SNX29: variants seen among roughly 807,000 people sequenced by gnomAD.
SNX29 encodes the protein sorting nexin-29.
SNX29 carries 78 observed loss-of-function variants against 102.1 expected under a neutral mutation model. The observed-to-expected ratio is 0.76, with a 90% CI of 0.64 to 0.92. The LOEUF (loss-of-function observed/expected upper bound fraction) is 0.92, where lower values mean the gene tolerates loss of function less well. Among genes scored for constraint, SNX29 ranks in the 40% least tolerant of loss-of-function variants. The pLI is 0.00. For missense variants in SNX29, 1,280 were observed against 1,061.7 expected (o/e 1.21, Z -2.86); for synonymous variants, 580 against 414.5 (o/e 1.40, Z -4.85).
At chr16:12,190,899 T>A (rs1386385535) in intron 13 of SNX29, among the ~76,000 whole-genome samples, 2 of 152,294 alleles carry the variant, frequency 1.3e-5, no homozygotes, top group Non-Finnish European at 2.9e-5. Flanking sequence ...TTGCTTTCCC[T>A]CTTGCCCTGA....
At chr16:12,455,780 G>A (rs1474586627) in intron 18 of SNX29, among the ~76,000 whole-genome samples, 2 of 152,196 alleles carry the variant, frequency 1.3e-5, no homozygotes, top group Admixed American at 1.3e-4. Flanking sequence ...ATGCTTATAA[G>A]CAAGGATAGA....
At chr16:12,116,958 G>A (rs907807554) in intron 11 of SNX29, among the ~76,000 whole-genome samples, 1 of 151,766 alleles carries the variant, frequency 6.6e-6, no homozygotes, top group South Asian at 2.1e-4. Context: ...AACAGGAGTG[G>A]TCAATACGTG....
chr16:12,082,141 C>G (rs1330640745), intron 11 of SNX29, among the ~76,000 whole-genome samples: 2 of 151,612 alleles, frequency 1.3e-5, no homozygotes, highest in East Asian at 1.9e-4. Flanking sequence ...TGTAGATGGA[C>G]AAGACTTGAC....
At chr16:12,377,176 A>G (rs1490097769) in intron 16 of SNX29, among the ~76,000 whole-genome samples, 1 of 152,222 alleles carries the variant, frequency 6.6e-6, no homozygotes, top group Admixed American at 6.5e-5. Flanking sequence ...TACGTCTCTG[A>G]GCCTCAGTTT....
intron 18 of SNX29, among the ~76,000 whole-genome samples, chr16:12,414,868 C>T (rs552022006): frequency 6.6e-6 from 1 of 152,180 alleles, no homozygotes; most frequent in Admixed American, 6.5e-5. Flanking sequence ...ATTACGTGTG[C>T]CCACCAGCAT....
At chr16:12,179,418 G>A (rs1286940816) in intron 13 of SNX29, among the ~76,000 whole-genome samples, 1 of 152,242 alleles carries the variant, frequency 6.6e-6, no homozygotes, top group Non-Finnish European at 1.5e-5. Flanking sequence ...CCAGGAGTTG[G>A]AGGCTGAATG....
At chr16:12,499,433 T>C (rs1038041120) in intron 19 of SNX29, among the ~76,000 whole-genome samples, 2 of 152,198 alleles carry the variant, frequency 1.3e-5, no homozygotes, top group South Asian at 4.1e-4. Context: ...TTCCAGATTC[T>C]CAAGGCAAGT....
chr16:12,139,164 T>G (rs1489355032), intron 13 of SNX29, among the ~76,000 whole-genome samples: 2 of 125,506 alleles, frequency 1.6e-5, no homozygotes, highest in Admixed American at 1.0e-4. Flanking sequence ...GCCACTGTAC[T>G]CCAGAGCCTG....
chr16:12,467,940 C>G (rs2087136621), intron 18 of SNX29, among the ~76,000 whole-genome samples: 1 of 152,134 alleles, frequency 6.6e-6, no homozygotes, highest in African/African-American at 2.4e-5. Flanking sequence ...GAGGGAACAG[C>G]CACAGCTCCA....
intron 1 of SNX29, among the ~76,000 whole-genome samples, chr16:11,989,580 G>C (rs765755943): frequency 6.6e-6 from 1 of 152,216 alleles, no homozygotes; most frequent in Non-Finnish European, 1.5e-5. Flanking sequence ...TGAGGCAGCC[G>C]TTGTGCCCTG....
At position 12,571,201 on chromosome 16, in the gene SNX29, A is replaced by G. The variant is rs1025798709; in HGVS notation, c.*2572A>G. On this transcript the variant is annotated 3_prime_UTR_variant, in exon 21 of 21. Coordinates refer to ENST00000566228, the MANE Select transcript of SNX29 (RefSeq NM_032167.5). ...TGTGGTGGGATGAACTTCAGGCAAC[A>G]AACAACTGGCAGGGTTCCCAGTTCC... 3 of 232,228 alleles carry G rather than the reference A, an allele frequency of 1.3e-5. No individual in the cohort carries two copies. The highest frequency in any genetic ancestry group is 2.6e-5 in the Non-Finnish European group (3 of 117,494). The allele number at this position is 232,228 out of a possible 1,614,324, so 14.4% of individuals were successfully genotyped here. A position where few individuals can be genotyped will look rare whatever the true frequency, so the allele number is the denominator to read the frequency against.
At chr16:12,366,476 G>C (rs1164852408) in intron 16 of SNX29, among the ~76,000 whole-genome samples, 2 of 152,196 alleles carry the variant, frequency 1.3e-5, no homozygotes, top group South Asian at 2.1e-4. Flanking sequence ...CTTATCTCAT[G>C]AGCCTGCCCT....
chr16:12,183,979 G>A (rs745318761), intron 13 of SNX29, among the ~76,000 whole-genome samples: 18 of 152,206 alleles, frequency 1.2e-4, no homozygotes, highest in African/African-American at 1.9e-4. Flanking sequence ...TGTTTAGCAC[G>A]TTATCAAAAA....
chr16:12,304,174 G>GTTTTTTTTTTTTTTTTT (rs760514032), intron 15 of SNX29, among the ~76,000 whole-genome samples: 1 of 147,160 alleles, frequency 6.8e-6, no homozygotes, highest in African/African-American at 2.6e-5. Flanking sequence ...TCCTATCACT[G>GTTTTTTTTTTTTTTTTT]TTTTTTGTTT....
Position 12,570,289 on chromosome 16 carries a change from C to T in SNX29, c.*1660C>T, listed in dbSNP as rs570319830. The T allele has an allele frequency of 1.6e-5, 17 of 1,057,656 alleles. No homozygotes were observed. In the African/African-American group the frequency reaches 2.0e-4, roughly 12 times the overall value. 65.5% of individuals were successfully genotyped at this position (1,057,656 alleles called of 1,614,324 possible). ...AGGTGCGGACCCTGCAGTCAGTTTG[C>T]GAGTGTGGAGGACCCGAGACATCCT... On this transcript the variant is annotated 3_prime_UTR_variant, in exon 21 of 21. Transcript: ENST00000566228.
At chr16:12,313,813 A>G (rs2080643716) in intron 15 of SNX29, among the ~76,000 whole-genome samples, 1 of 152,210 alleles carries the variant, frequency 6.6e-6, no homozygotes, top group South Asian at 2.1e-4. Context: ...ATTAGAGCCA[A>G]TCCAGTTGAA....
At chr16:12,560,955 C>G (rs565525461) in intron 20 of SNX29, 4 of 211,022 alleles carry the variant, frequency 1.9e-5, no homozygotes, top group East Asian at 7.1e-5. Flanking sequence ...GAACCAGACC[C>G]AGACCTGCCT....
chr16:12,247,253 A>G (rs1315900489), intron 14 of SNX29, among the ~76,000 whole-genome samples: 4 of 152,130 alleles, frequency 2.6e-5, no homozygotes, highest in African/African-American at 9.7e-5. Context: ...GGTGGAGATG[A>G]TGGGAATTAA....
intron 18 of SNX29, among the ~76,000 whole-genome samples, chr16:12,461,978 A>AATAATAT (rs1555544500): frequency 3.2e-3 from 88 of 27,342 alleles, no homozygotes; most frequent in East Asian, 0.017. Context: ...AAAAAAAAAA[A>AATAATAT]ATATATATAT....
Sources: gnomAD v4.1 joint callset for allele counts (sites outside exome capture counted in the v4.1 genomes callset) on GRCh38, gnomAD v4.1.1 for gene constraint, MANE v1.5 for transcripts, NCBI Gene and HGNC (gene_info 2026-07-23, HGNC 2026-07-21) for gene names.